DENND1A: variants seen among roughly 807,000 people sequenced by gnomAD.
The protein encoded by DENND1A is DENN domain-containing protein 1A.
DENND1A carries 51 observed loss-of-function variants against 113.7 expected under a neutral mutation model. The ratio of observed to expected loss-of-function variants is 0.45; its 90% confidence interval spans 0.36 to 0.57. DENND1A has a LOEUF of 0.57. Among genes scored for constraint, DENND1A ranks in the 20% least tolerant of loss-of-function variants. The pLI is 0.00. For missense variants in DENND1A, 1,258 were observed against 1,395.9 expected, an observed-to-expected ratio of 0.90 and a Z score of 1.57; for synonymous variants, 565 against 570.8, an observed-to-expected ratio of 0.99 and a Z score of 0.14.
At chr9:123,632,276 C>T (rs1589434049) in intron 9 of DENND1A, among the ~76,000 whole-genome samples, 1 of 152,090 alleles carries the variant, frequency 6.6e-6, no homozygotes, top group East Asian at 1.9e-4. Flanking sequence ...TCAGCAGGCA[C>T]CCAAGAACAG....
chr9:123,803,334 T>C (rs1300191820), intron 2 of DENND1A, among the ~76,000 whole-genome samples: 1 of 152,230 alleles, frequency 6.6e-6, no homozygotes, highest in South Asian at 2.1e-4. Flanking sequence ...TTAATGCAAC[T>C]CAGTAATTAT....
intron 13 of DENND1A, among the ~76,000 whole-genome samples, chr9:123,557,292 C>T (rs541342511): frequency 3.3e-5 from 5 of 152,182 alleles, no homozygotes; most frequent in African/African-American, 1.2e-4. Flanking sequence ...GTGTGAGGGG[C>T]CTGGCGCTGC....
At chr9:123,447,802 AACC>A (rs1379700839) in intron 18 of DENND1A, among the ~76,000 whole-genome samples, 2 of 151,788 alleles carry the variant, frequency 1.3e-5, no homozygotes, top group Non-Finnish European at 2.9e-5. Flanking sequence ...AAAAAAAAAA[AACC>A]AAGGAAATAT....
chr9:123,734,794 C>T (rs1317041278), intron 5 of DENND1A, among the ~76,000 whole-genome samples: 1 of 152,110 alleles, frequency 6.6e-6, no homozygotes, highest in Non-Finnish European at 1.5e-5. Context: ...GTTTCTGCCT[C>T]ATCCTCTCAC....
intron 13 of DENND1A, among the ~76,000 whole-genome samples, chr9:123,501,159 G>A (rs1348252383): frequency 6.6e-6 from 1 of 152,120 alleles, no homozygotes; most frequent in Non-Finnish European, 1.5e-5. Flanking sequence ...CTATGATTTT[G>A]ACTACGTTCC....
chr9:123,416,374 G>C (rs1421937505), intron 19 of DENND1A, among the ~76,000 whole-genome samples: 1 of 152,214 alleles, frequency 6.6e-6, no homozygotes, highest in African/African-American at 2.4e-5. Flanking sequence ...TGGGAGTGTT[G>C]GTTGTCATCG....
At chr9:123,578,493 C>T (rs1564752183) in intron 12 of DENND1A, among the ~76,000 whole-genome samples, 2 of 152,214 alleles carry the variant, frequency 1.3e-5, no homozygotes, top group Non-Finnish European at 1.5e-5. Flanking sequence ...AATTCTTCTG[C>T]CTCAGACTCC....
chr9:123,523,353 C>T (rs1044634134), intron 13 of DENND1A, among the ~76,000 whole-genome samples: 12 of 152,132 alleles, frequency 7.9e-5, no homozygotes, highest in Non-Finnish European at 1.0e-4. Flanking sequence ...CCGTGCGAGG[C>T]GGTAACTCTT....
chr9:123,774,922 A>G (rs1474027600), intron 3 of DENND1A, among the ~76,000 whole-genome samples: 1 of 152,156 alleles, frequency 6.6e-6, no homozygotes, highest in East Asian at 1.9e-4. Flanking sequence ...AGTGAAAGAG[A>G]CCCCTCTGAA....
At chr9:123,539,529 G>T (rs2056113029) in intron 13 of DENND1A, among the ~76,000 whole-genome samples, 1 of 152,042 alleles carries the variant, frequency 6.6e-6, no homozygotes, top group African/African-American at 2.4e-5. Context: ...TCAAGATAGT[G>T]GTTACTTATG....
chr9:123,382,755 TTG>T, intron 23 of DENND1A, 130 bp from the exon 24 acceptor site: 2 of 990,844 alleles, frequency 2.0e-6, no homozygotes, highest in South Asian at 1.6e-5. Context: ...CTCCTCGGAC[TTG>T]GAACAGCTGA....
chr9:123,563,284 G>A (rs559452517), intron 12 of DENND1A, among the ~76,000 whole-genome samples: 14 of 152,240 alleles, frequency 9.2e-5, no homozygotes, highest in Non-Finnish European at 1.6e-4. Flanking sequence ...ACCCGACCGT[G>A]TACCCCTGTT....
At chr9:123,546,403 G>T (rs542270851) in intron 13 of DENND1A, among the ~76,000 whole-genome samples, 60 of 148,286 alleles carry the variant, frequency 4.0e-4, no homozygotes, top group Non-Finnish European at 3.4e-4. Flanking sequence ...AAAAAAAAAA[G>T]TAGCCGGGCG....
chr9:123,884,997 GCACACACA>G (rs57555620), intron 1 of DENND1A, among the ~76,000 whole-genome samples: 6,551 of 145,918 alleles, frequency 0.045, 473 homozygotes, highest in African/African-American at 0.15. Context: ...GAGCGCGCGC[GCACACACA>G]CACACACACA....
intron 13 of DENND1A, among the ~76,000 whole-genome samples, chr9:123,523,333 C>A (rs2054546217): frequency 6.6e-6 from 1 of 152,090 alleles, no homozygotes; most frequent in African/African-American, 2.4e-5. Context: ...GGAGGCCTGC[C>A]CCACAAGAAC....
At chr9:123,797,549 C>G (rs1401467364) in intron 2 of DENND1A, among the ~76,000 whole-genome samples, 4 of 152,056 alleles carry the variant, frequency 2.6e-5, no homozygotes, top group Non-Finnish European at 5.9e-5. Flanking sequence ...AAGATGACCG[C>G]AAACTGGACT....
At chr9:123,890,803 G>C (rs1435623871) in intron 1 of DENND1A, among the ~76,000 whole-genome samples, 1 of 152,064 alleles carries the variant, frequency 6.6e-6, no homozygotes, top group Non-Finnish European at 1.5e-5. Flanking sequence ...CTATATTCTT[G>C]AATTTTTAAA....
intron 18 of DENND1A, among the ~76,000 whole-genome samples, chr9:123,446,183 G>T (rs1467100365): frequency 6.6e-6 from 1 of 152,154 alleles, no homozygotes; most frequent in Non-Finnish European, 1.5e-5. Context: ...TCATGCTGCG[G>T]GTGTGAGAAC....
chr9:123,635,687 A>C (rs886672312), intron 9 of DENND1A, among the ~76,000 whole-genome samples: 1 of 152,244 alleles, frequency 6.6e-6, no homozygotes, highest in Non-Finnish European at 1.5e-5. Flanking sequence ...ACATTTAACT[A>C]AGGTGTTGTA....
Sources: allele counts gnomAD v4.1 joint callset (sites outside exome capture counted in the v4.1 genomes callset), GRCh38; gene constraint gnomAD v4.1.1; transcripts MANE v1.5; gene names NCBI Gene and HGNC (gene_info 2026-07-23, HGNC 2026-07-21).